The following TRPC4 variants were observed in gnomAD, a reference collection of about 807,000 sequenced individuals.
TRPC4 encodes short transient receptor potential channel 4.
A neutral mutation model predicts 99.4 loss-of-function variants in TRPC4; 49 were observed. The observed-to-expected ratio is 0.49, with a 90% confidence interval of 0.39 to 0.63. The LOEUF (loss-of-function observed/expected upper bound fraction) is 0.63. TRPC4 is among the 20% of genes least tolerant of loss of function. TRPC4 has a pLI of 0.00. For missense variants in TRPC4, 898 were observed against 1,152.9 expected (o/e 0.78, Z 3.20); for synonymous variants, 454 against 425.9 (o/e 1.07, Z -0.81).
intron 2 of TRPC4, among the ~76,000 whole-genome samples, chr13:37,775,146 C>A (rs1461002166): frequency 6.6e-6 from 1 of 151,640 alleles, no homozygotes; most frequent in Non-Finnish European, 1.5e-5. Flanking sequence ...TAAACTCATT[C>A]TTTATACTAG....
intron 3 of TRPC4, among the ~76,000 whole-genome samples, chr13:37,719,534 A>G (rs1954794836): frequency 1.3e-5 from 2 of 152,178 alleles, no homozygotes; most frequent in African/African-American, 4.8e-5. Context: ...GCAAATAGGT[A>G]TATAAAAGAT....
chr13:37,648,607 C>T (rs1951920441), intron 8 of TRPC4, among the ~76,000 whole-genome samples: 1 of 151,582 alleles, frequency 6.6e-6, no homozygotes, highest in African/African-American at 2.4e-5. Context: ...TGCTGTGCAT[C>T]AGCTTGGAGC....
chr13:37,780,471 A>G (rs1357461077), intron 2 of TRPC4, among the ~76,000 whole-genome samples: 2 of 152,148 alleles, frequency 1.3e-5, no homozygotes, highest in Admixed American at 1.3e-4. Context: ...TACCATGAGT[A>G]TGAAAATTAG....
At chr13:37,677,782 A>G (rs1953109252) in intron 4 of TRPC4, among the ~76,000 whole-genome samples, 1 of 152,140 alleles carries the variant, frequency 6.6e-6, no homozygotes, top group Non-Finnish European at 1.5e-5. Flanking sequence ...GATATAGAAG[A>G]CCTGAACAAC....
chr13:37,791,199 C>G (rs1260526779), intron 1 of TRPC4, among the ~76,000 whole-genome samples: 1 of 151,714 alleles, frequency 6.6e-6, no homozygotes. Context: ...CAAGACCAGC[C>G]TGGCCAAAAT....
chr13:37,833,916 T>A (rs1379596336), intron 1 of TRPC4, among the ~76,000 whole-genome samples: 1 of 152,232 alleles, frequency 6.6e-6, no homozygotes, highest in Non-Finnish European at 1.5e-5. Flanking sequence ...GACAGTACAG[T>A]TTTATCTTCA....
At chr13:37,692,373 A>T (rs765142338) in intron 3 of TRPC4, 38 bp from the exon 4 acceptor site, 5 of 1,536,390 alleles carry the variant, frequency 3.3e-6, no homozygotes. Flanking sequence ...AATAAGTCAC[A>T]GTTACATGGA....
intron 3 of TRPC4, among the ~76,000 whole-genome samples, chr13:37,745,460 A>ATATATATATATATGCGTG (rs1555265752): frequency 0.017 from 86 of 4,922 alleles, no homozygotes; most frequent in Admixed American, 0.069. Flanking sequence ...ATATATATAT[A>ATATATATATATATGCGTG]TATATATATA....
At chr13:37,644,161 T>C (rs780805785) in intron 8 of TRPC4, among the ~76,000 whole-genome samples, 1 of 152,170 alleles carries the variant, frequency 6.6e-6, no homozygotes, top group Non-Finnish European at 1.5e-5. Flanking sequence ...TATTACACAA[T>C]AGAACTACCA....
At chr13:37,819,642 G>T (rs374419043) in intron 1 of TRPC4, among the ~76,000 whole-genome samples, 1 of 151,850 alleles carries the variant, frequency 6.6e-6, no homozygotes, top group African/African-American at 2.4e-5. Context: ...GGCACATAGA[G>T]GGGAACAACA....
intron 3 of TRPC4, among the ~76,000 whole-genome samples, chr13:37,708,219 A>G (rs561337439): frequency 6.6e-6 from 1 of 152,246 alleles, no homozygotes; most frequent in African/African-American, 2.4e-5. Flanking sequence ...AGTAAAAGCT[A>G]TAAGGAGATT....
intron 3 of TRPC4, among the ~76,000 whole-genome samples, chr13:37,698,080 C>T (rs964537875): frequency 1.1e-4 from 16 of 149,884 alleles, no homozygotes; most frequent in African/African-American, 3.7e-4. Flanking sequence ...ACATGAGCCC[C>T]ACCCCAGTAT....
chr13:37,852,181 C>T (rs187410350), intron 1 of TRPC4, among the ~76,000 whole-genome samples: 5 of 152,214 alleles, frequency 3.3e-5, no homozygotes, highest in Admixed American at 3.3e-4. Flanking sequence ...CCATCCTCCC[C>T]CAACCCAAGG....
At chr13:37,795,127 A>G (rs1352092322) in intron 1 of TRPC4, among the ~76,000 whole-genome samples, 1 of 152,160 alleles carries the variant, frequency 6.6e-6, no homozygotes, top group Admixed American at 6.6e-5. Context: ...ATGTTCAATT[A>G]AGCTGGATTT....
chr13:37,780,836 C>T (rs1357577258), intron 2 of TRPC4, among the ~76,000 whole-genome samples: 1 of 151,898 alleles, frequency 6.6e-6, no homozygotes, highest in Non-Finnish European at 1.5e-5. Flanking sequence ...CAAAATAATA[C>T]AATTTTTGTT....
intron 6 of TRPC4, among the ~76,000 whole-genome samples, chr13:37,656,577 A>C (rs1952244722): frequency 6.6e-6 from 1 of 152,154 alleles, no homozygotes; most frequent in Non-Finnish European, 1.5e-5. Context: ...AAATTCATAT[A>C]AGGCCAGTGG....
In TRPC4 at chr13:37,671,403, A is replaced by G. The variant is rs1457753482; in HGVS notation, c.1374+2825T>C. Among the ~76,000 whole-genome samples the G allele has an allele frequency of 2.6e-5, 4 of 152,134 alleles. No homozygotes were observed. The East Asian group carries it at 7.7e-4, about 29-fold the overall frequency. ...TACAGATAATAAAATTGAGACCTAC[A>G]TTCAATAACTTGTCCCATACCATAC... On this transcript the variant is annotated intron_variant, in intron 5 of 10. Coordinates refer to ENST00000379705, the MANE Select transcript of TRPC4 (RefSeq NM_016179.4).
chr13:37,840,263 G>A (rs1211712283), intron 1 of TRPC4, among the ~76,000 whole-genome samples: 2 of 152,090 alleles, frequency 1.3e-5, no homozygotes, highest in Non-Finnish European at 2.9e-5. Context: ...TGCTGCAAAT[G>A]AGGAGGGTAA....
Position 37,772,122 on chromosome 13 carries a change from C to T in TRPC4, c.378+10834G>A, listed in dbSNP as rs755492001. On this transcript the variant is annotated intron_variant, in intron 2 of 10. Transcript: ENST00000379705. ...CAGCAATTGGAAACTCTATGCTTGA[C>T]GGATTCTCATTTCCCCTAAACTTCT... 1.6e-4 allele frequency among the ~76,000 whole-genome samples: 25 copies of T among 151,690 alleles called. 1 individual carries two copies. Among genetic ancestry groups the T allele is most frequent in the Non-Finnish European group, 3.1e-4 (21 of 67,812 alleles).
Sources: gnomAD v4.1 joint callset for allele counts (sites outside exome capture counted in the v4.1 genomes callset) on GRCh38, gnomAD v4.1.1 for gene constraint, MANE v1.5 for transcripts, NCBI Gene and HGNC (gene_info 2026-07-23, HGNC 2026-07-21) for gene names.